ZNRF1: variants seen among roughly 807,000 people sequenced by gnomAD.
ZNRF1 encodes zinc and ring finger 1, also known as E3 ubiquitin-protein ligase ZNRF1.
Under a neutral mutation model 18.4 loss-of-function variants are expected in ZNRF1, and 3 were observed. The ratio of observed to expected loss-of-function variants is 0.16; its 90% CI spans 0.07 to 0.42. The LOEUF is 0.42. ZNRF1 is among the 10% of genes least tolerant of loss of function. The pLI is 0.99. For synonymous variants in ZNRF1, 157 were observed against 144.2 expected, an observed-to-expected ratio of 1.09 and a Z score of -0.64; for missense variants, 310 against 329.8, an observed-to-expected ratio of 0.94 and a Z score of 0.47.
intron 1 of ZNRF1, among the ~76,000 whole-genome samples, chr16:75,006,516 A>G (rs527666202): frequency 8.5e-5 from 13 of 152,198 alleles, no homozygotes; most frequent in Admixed American, 3.9e-4. Context: ...GCTCACTGCA[A>G]CGTCCACTTC....
chr16:75,048,509 A>G (rs2035545481), intron 1 of ZNRF1, among the ~76,000 whole-genome samples: 1 of 152,200 alleles, frequency 6.6e-6, no homozygotes, highest in East Asian at 1.9e-4. Context: ...GTTCCTGACC[A>G]TAGAGAGATT....
chr16:75,013,521 A>G (rs1347423907), intron 1 of ZNRF1, among the ~76,000 whole-genome samples: 3 of 151,718 alleles, frequency 2.0e-5, no homozygotes, highest in Admixed American at 6.6e-5. Context: ...TAATTTTTGT[A>G]TTTTTAGGAG....
At chr16:75,092,621 T>A (rs1484840777) in intron 1 of ZNRF1, among the ~76,000 whole-genome samples, 1 of 152,268 alleles carries the variant, frequency 6.6e-6, no homozygotes, top group African/African-American at 2.4e-5. Context: ...GGATTAGGTT[T>A]GCTTAACGGA....
intron 1 of ZNRF1, among the ~76,000 whole-genome samples, chr16:75,075,389 C>T (rs931737456): frequency 3.9e-5 from 6 of 152,242 alleles, no homozygotes; most frequent in African/African-American, 1.4e-4. Context: ...GGGCAGGAAG[C>T]AGCATGACCG....
chr16:75,061,729 G>C (rs1051422788), intron 1 of ZNRF1, among the ~76,000 whole-genome samples: 2 of 152,156 alleles, frequency 1.3e-5, no homozygotes, highest in Admixed American at 6.6e-5. Flanking sequence ...GACATAAAAA[G>C]TATGGGACTT....
chr16:74,999,475 G>T lies in ZNRF1; in HGVS notation c.-197G>T. 2 of 416,712 alleles carry T rather than the reference G, an allele frequency of 4.8e-6. No individual in the cohort carries two copies. Among genetic ancestry groups the T allele is most frequent in the Admixed American group, 4.4e-5 (1 of 22,698 alleles). The allele number at this position is 416,712 out of a possible 1,614,324, so 25.8% of individuals were successfully genotyped here. On this transcript the variant is annotated 5_prime_UTR_variant, in exon 1 of 5. Coordinates refer to ENST00000335325, the MANE Select transcript of ZNRF1 (RefSeq NM_032268.5). ...TGGATCGTTTGAAATTCTGAGTTTG[G>T]GATCCCCGCCCGCCCGCCTGCCTCT...
chr16:75,064,654 A>C (rs1428809665), intron 1 of ZNRF1, among the ~76,000 whole-genome samples: 2 of 151,894 alleles, frequency 1.3e-5, no homozygotes, highest in Non-Finnish European at 2.9e-5. Flanking sequence ...GGCACGTAGG[A>C]GTGGCTCTAG....
intron 1 of ZNRF1, among the ~76,000 whole-genome samples, chr16:75,051,530 T>C (rs12919299): frequency 6.8e-6 from 1 of 147,810 alleles, no homozygotes; most frequent in Non-Finnish European, 1.5e-5. Flanking sequence ...CTTTTTTTTT[T>C]TGGGGGGGAC....
intron 1 of ZNRF1, among the ~76,000 whole-genome samples, chr16:75,073,893 C>T (rs1290709301): frequency 6.6e-6 from 1 of 152,116 alleles, no homozygotes; most frequent in Non-Finnish European, 1.5e-5. Context: ...CGGTTCACTT[C>T]TGAGGACTCA....
intron 1 of ZNRF1, among the ~76,000 whole-genome samples, chr16:75,051,421 G>C (rs899521327): frequency 1.3e-5 from 2 of 151,656 alleles, no homozygotes; most frequent in Admixed American, 1.3e-4. Flanking sequence ...GGTGGCCAGG[G>C]TGGTCTCAAA....
chr16:75,066,731 C>G (rs906625896), intron 1 of ZNRF1, among the ~76,000 whole-genome samples: 10 of 152,076 alleles, frequency 6.6e-5, no homozygotes, highest in African/African-American at 2.4e-4. Flanking sequence ...CTCGAACTCC[C>G]AACCTCAGGT....
At chr16:75,029,739 A>G (rs772887628) in intron 1 of ZNRF1, among the ~76,000 whole-genome samples, 31 of 152,094 alleles carry the variant, frequency 2.0e-4, no homozygotes, top group Non-Finnish European at 3.7e-4. Flanking sequence ...ACTGCACTCT[A>G]GCCTGGGTAA....
intron 1 of ZNRF1, among the ~76,000 whole-genome samples, chr16:75,056,503 G>C (rs2035669790): frequency 6.6e-6 from 1 of 152,164 alleles, no homozygotes; most frequent in African/African-American, 2.4e-5. Flanking sequence ...TTGGTCCTCT[G>C]ACAAGAATGG....
At chr16:75,071,393 G>A (rs2035868527) in intron 1 of ZNRF1, among the ~76,000 whole-genome samples, 1 of 152,092 alleles carries the variant, frequency 6.6e-6, no homozygotes, top group Non-Finnish European at 1.5e-5. Flanking sequence ...CCTGGCCACA[G>A]GTACCTTTTG....
rs541338477 is a variant in ZNRF1, at chr16:75,106,661, T to C, written c.*32+90T>C. On this transcript the variant is annotated intron_variant, in intron 4 of 4. Transcript: ENST00000335325. ...AGTTTAGGGAGCCGGGCTGCCCTTA[T>C]GCCACTGAGAAGAAAGCAGGAGCAG... 152 of 998,040 alleles carry C rather than the reference T, an allele frequency of 1.5e-4. 2 individuals carry two copies. Among genetic ancestry groups the C allele is most frequent in the South Asian group, 1.4e-3 (105 of 73,024 alleles). 61.8% of individuals were successfully genotyped at this position (998,040 alleles called of 1,614,324 possible). A position where few individuals can be genotyped will look rare whatever the true frequency, so the allele number is the denominator to read the frequency against.
rs2036356534 is a variant in ZNRF1, at chr16:75,109,504, T to G, written c.*1804T>G. 1 of 152,798 alleles carries G rather than the reference T, an allele frequency of 6.5e-6. No homozygotes were observed. The allele number at this position is 152,798 out of a possible 1,614,324, so 9.5% of individuals were successfully genotyped here. ...GAAGCACCTACTCTGTGCAAGGGCA[T>G]TCACAACAGGCCAGTGGGCAAACGT... On this transcript the variant is annotated 3_prime_UTR_variant, in exon 5 of 5. Coordinates refer to ENST00000335325, the MANE Select transcript of ZNRF1 (RefSeq NM_032268.5).
At chr16:75,062,810 G>A (rs1308655533) in intron 1 of ZNRF1, among the ~76,000 whole-genome samples, 1 of 152,248 alleles carries the variant, frequency 6.6e-6, no homozygotes, top group African/African-American at 2.4e-5. Flanking sequence ...GGCTGTGTGT[G>A]AATAGCAAGT....
At chr16:75,063,032 ATC>A (rs1482220926) in intron 1 of ZNRF1, among the ~76,000 whole-genome samples, 1 of 152,206 alleles carries the variant, frequency 6.6e-6, no homozygotes, top group African/African-American at 2.4e-5. Flanking sequence ...CATGACAATA[ATC>A]TCTAACTTTT....
At chr16:75,086,074 T>C (rs1012516287) in intron 1 of ZNRF1, among the ~76,000 whole-genome samples, 1 of 152,082 alleles carries the variant, frequency 6.6e-6, no homozygotes, top group African/African-American at 2.4e-5. Flanking sequence ...ATTTCTCCTC[T>C]TTGCCTTTTG....
Sources: gnomAD v4.1 joint callset for allele counts (sites outside exome capture counted in the v4.1 genomes callset) on GRCh38, gnomAD v4.1.1 for gene constraint, MANE v1.5 for transcripts, NCBI Gene and HGNC (gene_info 2026-07-23, HGNC 2026-07-21) for gene names.